VAC14: variants seen among roughly 807,000 people sequenced by gnomAD.
VAC14 encodes the protein VAC14 component of PIKFYVE complex.
A neutral mutation model predicts 85.3 loss-of-function variants in VAC14; 47 were observed. The ratio of observed to expected loss-of-function variants is 0.55; its 90% confidence interval spans 0.44 to 0.70. The LOEUF is 0.70. Ranked by LOEUF, VAC14 falls within the 30% of genes least tolerant of loss-of-function variation. The probability of loss-of-function intolerance (pLI) is 0.00; values close to 1 mark genes in which losing one functional copy is unlikely to be tolerated. For synonymous variants in VAC14, 447 were observed against 430.5 expected, an observed-to-expected ratio of 1.04 and a Z score of -0.47; for missense variants, 861 against 1,004.3, an observed-to-expected ratio of 0.86 and a Z score of 1.93.
chr16:70,692,426 C>T (rs1382582356), intron 18 of VAC14, among the ~76,000 whole-genome samples: 1 of 152,130 alleles, frequency 6.6e-6, no homozygotes, highest in African/African-American at 2.4e-5. Flanking sequence ...CCAGCACAGA[C>T]AGCCACTGGG....
At chr16:70,773,288 C>A (rs2033342156) in intron 9 of VAC14, 1 of 152,190 alleles carries the variant, frequency 6.6e-6, no homozygotes, top group South Asian at 2.1e-4. Flanking sequence ...TGTGTCTGTG[C>A]CCGAGTCTTC....
intron 1 of VAC14, among the ~76,000 whole-genome samples, chr16:70,790,263 A>T (rs2034276568): frequency 6.6e-6 from 1 of 152,018 alleles, no homozygotes. Context: ...TTGAAGGATG[A>T]GTAGGTGTTC....
chr16:70,693,872 G>A (rs938375839), intron 17 of VAC14, among the ~76,000 whole-genome samples: 1 of 152,222 alleles, frequency 6.6e-6, no homozygotes, highest in Non-Finnish European at 1.5e-5. Flanking sequence ...AGGGGGTCCC[G>A]CTGACAAAGG....
At chr16:70,775,690 T>C (rs2033480446) in intron 9 of VAC14, among the ~76,000 whole-genome samples, 1 of 152,196 alleles carries the variant, frequency 6.6e-6, no homozygotes, top group South Asian at 2.1e-4. Context: ...GAGGAAAAGC[T>C]GGGGAAAGCT....
chr16:70,788,065 T>C (rs2034151562), intron 1 of VAC14, among the ~76,000 whole-genome samples: 2 of 152,244 alleles, frequency 1.3e-5, no homozygotes, highest in South Asian at 4.1e-4. Flanking sequence ...GGTATCTTGC[T>C]CACCTGTTCC....
In VAC14 at chr16:70,688,022, A is replaced by T. The variant is rs750419412; in HGVS notation, c.2255T>A (p.Leu752Gln). ...DSPSIDYAEL[L>Q]QHFEKVQNKH... ...GTTCTGGACCTTCTCAAAGTGCTGC[A>T]GCAGCTCTGCGTAGTCGATGCTAGG... is the stretch of plus-strand genomic sequence containing the variant. Residue 752 changes from leucine to glutamine, a missense_variant, in exon 19 of 19, where the codon CTG (leucine) becomes CAG (glutamine). Leu to Gln is a moderately radical substitution (Grantham distance 113). Coordinates refer to ENST00000261776, the MANE Select transcript of VAC14 (RefSeq NM_018052.5). 1.2e-6 allele frequency: 2 copies of T among 1,606,992 alleles called. No individual in the cohort carries two copies. Among genetic ancestry groups the T allele is most frequent in the Non-Finnish European group, 1.7e-6 (2 of 1,175,898 alleles).
intron 13 of VAC14, among the ~76,000 whole-genome samples, chr16:70,735,242 G>C (rs975241989): frequency 1.3e-5 from 2 of 152,064 alleles, no homozygotes; most frequent in Non-Finnish European, 2.9e-5. Context: ...TTCTGGTCCA[G>C]AAGTTGCGTG....
At chr16:70,690,414 GCA>G in intron 18 of VAC14, 1 of 985,608 alleles carries the variant, frequency 1.0e-6, no homozygotes, top group Non-Finnish European at 1.2e-6. Flanking sequence ...CCAGCCCACA[GCA>G]CAGTGTGGCA....
At chr16:70,771,985 G>C (rs1475224539) in intron 10 of VAC14, 124 bp downstream of exon 10, 3 of 817,012 alleles carry the variant, frequency 3.7e-6, no homozygotes, top group Non-Finnish European at 6.0e-6. Flanking sequence ...TGTGTACGAG[G>C]GTGTCCCAAA....
chr16:70,740,965 T>C (rs2030231041), intron 13 of VAC14, among the ~76,000 whole-genome samples: 1 of 152,264 alleles, frequency 6.6e-6, no homozygotes, highest in African/African-American at 2.4e-5. Context: ...AGGCATGTGA[T>C]GGACTCGCTT....
intron 12 of VAC14, among the ~76,000 whole-genome samples, chr16:70,759,997 C>A (rs2032191372): frequency 6.6e-6 from 1 of 152,212 alleles, no homozygotes; most frequent in Non-Finnish European, 1.5e-5. Flanking sequence ...CCGCAGAGAA[C>A]CGTCGTGAGG....
chr16:70,730,163 G>A (rs1318623950), intron 14 of VAC14, among the ~76,000 whole-genome samples: 2 of 151,666 alleles, frequency 1.3e-5, no homozygotes, highest in Non-Finnish European at 2.9e-5. Context: ...TCTCGAATCC[G>A]GCTGCAGCTT....
chr16:70,747,169 C>G (rs958253715), intron 12 of VAC14: 2 of 152,120 alleles, frequency 1.3e-5, no homozygotes, highest in African/African-American at 4.8e-5. Context: ...AAATGAAGTA[C>G]CTGCTACACG....
intron 14 of VAC14, among the ~76,000 whole-genome samples, chr16:70,723,478 A>G (rs1366849831): frequency 3.9e-5 from 6 of 152,136 alleles, no homozygotes; most frequent in Non-Finnish European, 8.8e-5. Flanking sequence ...AAATAAATAA[A>G]TGATACCACA....
intron 14 of VAC14, chr16:70,714,828 G>A (rs1026643443): frequency 3.3e-5 from 5 of 152,278 alleles, no homozygotes; most frequent in African/African-American, 4.8e-5. Flanking sequence ...ACTAGCCTGC[G>A]GTGTTTCACG....
intron 14 of VAC14, chr16:70,716,682 G>A (rs2054173689): frequency 6.6e-6 from 1 of 152,280 alleles, no homozygotes; most frequent in African/African-American, 2.4e-5. Context: ...TATGGAGACA[G>A]GGCCCCAAGC....
chr16:70,752,282 G>T (rs2031449503), intron 12 of VAC14, among the ~76,000 whole-genome samples: 1 of 152,224 alleles, frequency 6.6e-6, no homozygotes. Flanking sequence ...CCAGCACTGG[G>T]TCTGGCAGCT....
intron 14 of VAC14, among the ~76,000 whole-genome samples, chr16:70,721,684 C>G (rs12923416): frequency 6.6e-5 from 10 of 152,162 alleles, no homozygotes. Context: ...CTGTCCCCGT[C>G]TGCTGCATGG....
At chr16:70,750,248 G>A (rs77758572) in intron 12 of VAC14, among the ~76,000 whole-genome samples, 3,567 of 152,318 alleles carry the variant, frequency 0.023, 143 homozygotes, top group African/African-American at 0.08. Context: ...TGGCTCTGAC[G>A]ATGAGAAAAG....
Sources: gnomAD v4.1 joint callset for allele counts (sites outside exome capture counted in the v4.1 genomes callset) on GRCh38, gnomAD v4.1.1 for gene constraint, MANE v1.5 for transcripts, NCBI Gene and HGNC (gene_info 2026-07-23, HGNC 2026-07-21) for gene names.